Variants in LNP1 observed in about 807,000 individuals in gnomAD.
LNP1 encodes the protein leukemia NUP98 fusion partner 1.
Under a neutral mutation model 14.5 loss-of-function variants are expected in LNP1, and 12 were observed. The ratio of observed to expected loss-of-function variants is 0.83; its 90% CI spans 0.53 to 1.34. LNP1 has a LOEUF of 1.34. Ranked by LOEUF, LNP1 falls within the 40% of genes most tolerant of loss-of-function variation. The pLI, the probability that LNP1 is intolerant of heterozygous loss-of-function variation, is 0.00. For synonymous variants in LNP1, 75 were observed against 71.4 expected (o/e 1.05, Z -0.26); for missense variants, 198 against 210.9 (o/e 0.94, Z 0.38).
rs140296733 is a variant in LNP1, at chr3:100,445,194, C to A, written c.157-6525C>A. ...AACTGAGGCAGGAGAATTGCTTGAA[C>A]CCAGAGGCAGAGGTTGCAGTGAGCT... On this transcript the variant is annotated intron_variant, in intron 2 of 3. Coordinates refer to ENST00000383693, the MANE Select transcript of LNP1 (RefSeq NM_001085451.2). Among the ~76,000 whole-genome samples, 1,921 of 152,284 alleles carry A rather than the reference C, an allele frequency of 0.013. 258 individuals carry two copies. In the East Asian group the frequency reaches 0.31, roughly 24 times the overall value.
At chr3:100,450,727 C>G (rs1317687447) in intron 2 of LNP1, among the ~76,000 whole-genome samples, 1 of 152,096 alleles carries the variant, frequency 6.6e-6, no homozygotes, top group Non-Finnish European at 1.5e-5. Context: ...TCTCTACCAT[C>G]CTAAGAAGCA....
chr3:100,453,114 C>T (rs1707475700), intron 3 of LNP1, among the ~76,000 whole-genome samples: 1 of 152,182 alleles, frequency 6.6e-6, no homozygotes, highest in South Asian at 2.1e-4. Context: ...GAGCACAGTG[C>T]TCTCTACCTA....
chr3:100,425,846 A>G (rs12495001), intron 1 of LNP1, among the ~76,000 whole-genome samples: 25,249 of 152,204 alleles, frequency 0.17, 3,914 homozygotes, highest in East Asian at 0.5. Flanking sequence ...TTATTTATTC[A>G]GGAAGCAGCC....
chr3:100,431,992 TTATA>T (rs66513332), intron 2 of LNP1, among the ~76,000 whole-genome samples: 38 of 34,624 alleles, frequency 1.1e-3, no homozygotes, highest in Non-Finnish European at 1.4e-3. Context: ...GAGACCTTGT[TTATA>T]TATATATATA....
intron 3 of LNP1, among the ~76,000 whole-genome samples, chr3:100,453,393 C>A (rs570678010): frequency 1.5e-4 from 22 of 148,878 alleles, no homozygotes; most frequent in African/African-American, 5.5e-4. Context: ...CCAGCCTGGG[C>A]AACATAGTGA....
At chr3:100,438,640 G>C (rs1330131540) in intron 2 of LNP1, among the ~76,000 whole-genome samples, 1 of 152,168 alleles carries the variant, frequency 6.6e-6, no homozygotes, top group Admixed American at 6.5e-5. Context: ...ATGACTTGGG[G>C]ACAGAGAGTG....
chr3:100,408,827 T>C (rs1706997111), intron 1 of LNP1, among the ~76,000 whole-genome samples: 1 of 152,106 alleles, frequency 6.6e-6, no homozygotes, highest in Admixed American at 6.5e-5. Context: ...GGGGGAAGGG[T>C]GACATGGGTA....
intron 1 of LNP1, among the ~76,000 whole-genome samples, chr3:100,421,406 C>T (rs921641926): frequency 6.6e-6 from 1 of 152,128 alleles, no homozygotes; most frequent in Non-Finnish European, 1.5e-5. Flanking sequence ...ACAGAAACAT[C>T]CAGAATTAAT....
At chr3:100,444,604 G>T (rs1044737688) in intron 2 of LNP1, among the ~76,000 whole-genome samples, 5 of 152,114 alleles carry the variant, frequency 3.3e-5, no homozygotes, top group African/African-American at 1.2e-4. Flanking sequence ...AATATCCAAG[G>T]TTTAAAACAC....
intron 1 of LNP1, among the ~76,000 whole-genome samples, chr3:100,418,525 G>C (rs1707111201): frequency 6.6e-6 from 1 of 151,566 alleles, no homozygotes; most frequent in African/African-American, 2.4e-5. Flanking sequence ...GATATTTTCT[G>C]TCCCTCATTT....
chr3:100,421,154 T>G (rs974156942), intron 1 of LNP1, among the ~76,000 whole-genome samples: 3 of 152,172 alleles, frequency 2.0e-5, no homozygotes, highest in Non-Finnish European at 4.4e-5. Flanking sequence ...GAAGACTCAT[T>G]TTTTTAAACT....
intron 1 of LNP1, among the ~76,000 whole-genome samples, chr3:100,421,234 C>A (rs1280599203): frequency 6.6e-6 from 1 of 152,214 alleles, no homozygotes; most frequent in African/African-American, 2.4e-5. Flanking sequence ...TGCTTTTGTA[C>A]TCTTTACAAA....
chr3:100,417,680 G>A (rs1274381867), intron 1 of LNP1, among the ~76,000 whole-genome samples: 1 of 151,770 alleles, frequency 6.6e-6, no homozygotes, highest in Non-Finnish European at 1.5e-5. Flanking sequence ...CGCACTGCCG[G>A]TATACTTTTT....
At chr3:100,422,106 T>A (rs1446936635) in intron 1 of LNP1, among the ~76,000 whole-genome samples, 1 of 152,128 alleles carries the variant, frequency 6.6e-6, no homozygotes, top group African/African-American at 2.4e-5. Context: ...ACCTTTAGAT[T>A]CTGTGACATT....
chr3:100,446,858 C>A (rs867894961), intron 2 of LNP1, among the ~76,000 whole-genome samples: 5 of 152,322 alleles, frequency 3.3e-5, no homozygotes, highest in South Asian at 4.1e-4. Flanking sequence ...AAATGCTCAT[C>A]ATCACTGGTC....
intron 1 of LNP1, among the ~76,000 whole-genome samples, chr3:100,422,031 C>G (rs1253239753): frequency 6.6e-6 from 1 of 152,106 alleles, no homozygotes; most frequent in African/African-American, 2.4e-5. Context: ...CTCAATTCCC[C>G]CAGTTCTTGT....
chr3:100,447,619 A>C (rs974277237), intron 2 of LNP1, among the ~76,000 whole-genome samples: 15 of 152,094 alleles, frequency 9.9e-5, no homozygotes, highest in Admixed American at 3.3e-4. Flanking sequence ...AGAATTAAAA[A>C]AAAAATCCCT....
intron 1 of LNP1, among the ~76,000 whole-genome samples, chr3:100,410,490 AGGAG>A (rs1245289639): frequency 6.6e-6 from 1 of 152,218 alleles, no homozygotes; most frequent in African/African-American, 2.4e-5. Context: ...TACATAGCAG[AGGAG>A]ATATCTAAGT....
At chr3:100,415,639 C>T (rs931563107) in intron 1 of LNP1, among the ~76,000 whole-genome samples, 3 of 152,132 alleles carry the variant, frequency 2.0e-5, no homozygotes, top group African/African-American at 4.8e-5. Flanking sequence ...GAAATTTCAC[C>T]TCTAGATAGA....
Sources: allele counts gnomAD v4.1 joint callset (sites outside exome capture counted in the v4.1 genomes callset), GRCh38; gene constraint gnomAD v4.1.1; transcripts MANE v1.5; gene names NCBI Gene and HGNC (gene_info 2026-07-23, HGNC 2026-07-21).